PPIP5K2: variants seen among roughly 807,000 people sequenced by gnomAD.
PPIP5K2 encodes diphosphoinositol pentakisphosphate kinase 2.
In PPIP5K2, 105 loss-of-function variants were observed where a neutral mutation model predicts 154.6. The ratio of observed to expected loss-of-function variants is 0.68; its 90% CI spans 0.58 to 0.80. The LOEUF (loss-of-function observed/expected upper bound fraction) is 0.80, where lower values mean the gene tolerates loss of function less well. Among genes scored for constraint, PPIP5K2 ranks in the 30% least tolerant of loss-of-function variants. The probability of loss-of-function intolerance (pLI) is 0.00; values close to 1 mark genes in which losing one functional copy is unlikely to be tolerated. For synonymous variants in PPIP5K2, 480 were observed against 490.3 expected, an observed-to-expected ratio of 0.98 and a Z score of 0.28; for missense variants, 992 against 1,504.6, an observed-to-expected ratio of 0.66 and a Z score of 5.64.
At chr5:103,123,739 A>G (rs541095704) in intron 1 of PPIP5K2, among the ~76,000 whole-genome samples, 1 of 152,206 alleles carries the variant, frequency 6.6e-6, no homozygotes, top group Non-Finnish European at 1.5e-5. Flanking sequence ...TAACCAGTCC[A>G]TTTTGGGACC....
chr5:103,157,136 C>T (rs1795533316), intron 14 of PPIP5K2, among the ~76,000 whole-genome samples: 2 of 152,076 alleles, frequency 1.3e-5, no homozygotes, highest in African/African-American at 4.8e-5. Context: ...GGGTGATTTC[C>T]TCTCACCTTT....
intron 1 of PPIP5K2, among the ~76,000 whole-genome samples, chr5:103,126,264 T>C (rs1789653205): frequency 6.6e-6 from 1 of 152,184 alleles, no homozygotes; most frequent in Non-Finnish European, 1.5e-5. Flanking sequence ...CCTAAGGTCA[T>C]AATCAAATGA....
In PPIP5K2 at chr5:103,190,962, C is replaced by A. The variant is rs1554226743; in HGVS notation, c.3473C>A (p.Pro1158Gln). 1.2e-6 allele frequency: 2 copies of A among 1,605,542 alleles called. No homozygotes were observed. Among genetic ancestry groups the A allele is most frequent in the Non-Finnish European group, 1.7e-6 (2 of 1,176,998 alleles). The change falls in exon 29 of 31, where the codon CCA becomes CAA. Residue 1158 changes from proline to glutamine, a missense_variant. This residue lies in a region of PPIP5K2 where 131 missense variants were observed against 117.8 expected (regional missense o/e 1.11). Coordinates refer to ENST00000358359, the MANE Select transcript of PPIP5K2 (RefSeq NM_001276277.3). ...ASIASPSSDV[P>Q]RKTAEISSTA... ...ATTGCTTCTCCATCATCTGACGTTC[C>A]ACGGAAGACCGCTGAAATTTGTAGG...
At position 103,208,029 on chromosome 5, in the gene PPIP5K2, TTTGTTTTTG is replaced by T. The variant is rs139595058; in HGVS notation, c.*6404_*6412del. 35,162 of 151,340 alleles carry T rather than the reference TTTGTTTTTG, an allele frequency of 0.23. 4,909 individuals carry two copies. The highest frequency in any genetic ancestry group is 0.45 in the East Asian group (2,281 of 5,118). 9.4% of individuals were successfully genotyped at this position (151,340 alleles called of 1,614,324 possible). On this transcript the variant is annotated 3_prime_UTR_variant, in exon 31 of 31. Coordinates refer to ENST00000358359, the MANE Select transcript of PPIP5K2 (RefSeq NM_001276277.3). ...CAATTTCTTTTTTGTTTGTTTTTGT[TTTGTTTTTG>T]TTGTTTTTTAAAATGCAATTTCATA...
At chr5:103,162,350 CTT>C (rs200973581) in intron 17 of PPIP5K2, among the ~76,000 whole-genome samples, 7 of 138,526 alleles carry the variant, frequency 5.1e-5, no homozygotes, top group Admixed American at 1.4e-4. Flanking sequence ...GATGTGTTTT[CTT>C]TTTTTTTTTT....
At chr5:103,164,855 A>G (rs1349166340) in intron 17 of PPIP5K2, among the ~76,000 whole-genome samples, 5 of 152,092 alleles carry the variant, frequency 3.3e-5, no homozygotes, top group Non-Finnish European at 2.9e-5. Flanking sequence ...ATGTGGAACT[A>G]TATTTTTATT....
intron 1 of PPIP5K2, among the ~76,000 whole-genome samples, chr5:103,127,786 C>T (rs1789943923): frequency 6.6e-6 from 1 of 152,104 alleles, no homozygotes; most frequent in Non-Finnish European, 1.5e-5. Context: ...AGAACATTCC[C>T]CTTCCATTAT....
chr5:103,198,082 T>A (rs896732971), intron 30 of PPIP5K2, among the ~76,000 whole-genome samples: 2 of 152,144 alleles, frequency 1.3e-5, no homozygotes, highest in Admixed American at 1.3e-4. Context: ...TTATATTGTA[T>A]TTTCATTATC....
intron 28 of PPIP5K2, 121 bp downstream of exon 28, chr5:103,187,497 G>A (rs907085912): frequency 1.4e-5 from 10 of 737,616 alleles, no homozygotes; most frequent in African/African-American, 5.4e-5. Flanking sequence ...GTCAATTGGC[G>A]TACAATTCCA....
chr5:103,148,873 A>T (rs1215303610), intron 7 of PPIP5K2, among the ~76,000 whole-genome samples: 1 of 151,984 alleles, frequency 6.6e-6, no homozygotes, highest in Admixed American at 6.6e-5. Flanking sequence ...GAGGAGAGCG[A>T]TCACATTGTA....
Position 103,141,538 on chromosome 5 carries a change from G to A in PPIP5K2, c.487+3069G>A, listed in dbSNP as rs146693106. Among the ~76,000 whole-genome samples the A allele has an allele frequency of 3.4e-3, 513 of 152,226 alleles. 5 individuals carry two copies. Among genetic ancestry groups the A allele is most frequent in the African/African-American group, 0.012 (482 of 41,524 alleles). ...CCACATCCTGCTGATTGGTAGAGCC[G>A]AGTGGCCTGTTTTGTCAGGGCACTG... On this transcript the variant is annotated intron_variant, in intron 5 of 30. Transcript: ENST00000358359.
intron 3 of PPIP5K2, among the ~76,000 whole-genome samples, chr5:103,134,044 T>A (rs935865399): frequency 6.6e-6 from 1 of 152,126 alleles, no homozygotes; most frequent in African/African-American, 2.4e-5. Flanking sequence ...TAAGGTTGTG[T>A]GATCTTTTTC....
In PPIP5K2 at chr5:103,173,208, T is replaced by G; in HGVS notation, c.2340T>G (p.Thr780=). 6.2e-7 allele frequency: 1 copy of G among 1,611,436 alleles called. No homozygotes were observed. The highest frequency in any genetic ancestry group is 8.5e-7 in the Non-Finnish European group (1 of 1,178,234). The change falls in exon 20 of 31, where the codon ACT becomes ACG. Residue 780 remains threonine (T), a synonymous_variant. Coordinates refer to ENST00000358359, the MANE Select transcript of PPIP5K2 (RefSeq NM_001276277.3). ...EKLEIAKGYC[T]PLVRKIRSDL... ...TGGAGATTGCCAAAGGCTACTGTAC[T>G]CCTCTGGTTAGAAAAATTCGCTCAG...
chr5:103,136,442 A>AAT (rs2149483695), intron 3 of PPIP5K2, among the ~76,000 whole-genome samples: 1 of 152,330 alleles, frequency 6.6e-6, no homozygotes, highest in South Asian at 2.1e-4. Context: ...GTATGAGGTG[A>AAT]ATCTTACCTT....
chr5:103,158,462 A>G lies in PPIP5K2; in HGVS notation c.1626A>G (p.Ala542=). The part of the protein sequence containing the change: ...CMYPGGQGDY[A]GFPGCGLLRL... ...AGGATTTATTTTCAGGAGATTATGC[A>G]GGATTTCCTGGTTGTGGTTTACTTA... Residue 542 remains alanine, a synonymous_variant, in exon 16 of 31, where the codon GCA becomes GCG. Coordinates refer to ENST00000358359, the MANE Select transcript of PPIP5K2 (RefSeq NM_001276277.3). 6.2e-7 allele frequency: 1 copy of G among 1,604,704 alleles called. No individual in the cohort carries two copies. Among genetic ancestry groups the G allele is most frequent in the Non-Finnish European group, 8.5e-7 (1 of 1,177,772 alleles).
At chr5:103,139,887 G>A (rs2149498204) in intron 5 of PPIP5K2, among the ~76,000 whole-genome samples, 1 of 152,264 alleles carries the variant, frequency 6.6e-6, no homozygotes, top group South Asian at 2.1e-4. Context: ...TTGACAAACT[G>A]AAATATATAT....
At chr5:103,122,643 A>G (rs1238790159) in intron 1 of PPIP5K2, among the ~76,000 whole-genome samples, 4 of 152,144 alleles carry the variant, frequency 2.6e-5, no homozygotes, top group Non-Finnish European at 4.4e-5. Flanking sequence ...ACCATTTATA[A>G]CAGTGTTTCC....
At chr5:103,152,568 G>T in intron 9 of PPIP5K2, 80 bp from the exon 10 acceptor site, 1 of 797,938 alleles carries the variant, frequency 1.3e-6, no homozygotes, top group South Asian at 1.6e-5. Flanking sequence ...TAACTCTTAT[G>T]ATTCTCTCTC....
chr5:103,172,124 TAAAA>T (rs1210403831), intron 19 of PPIP5K2, among the ~76,000 whole-genome samples: 1 of 151,252 alleles, frequency 6.6e-6, no homozygotes, highest in Admixed American at 6.6e-5. Context: ...ATAACAAATT[TAAAA>T]AAAAATTATT....
Sources: allele counts gnomAD v4.1 joint callset (sites outside exome capture counted in the v4.1 genomes callset), GRCh38; gene constraint gnomAD v4.1.1; regional missense constraint gnomAD v4.1.1; transcripts MANE v1.5; gene names NCBI Gene and HGNC (gene_info 2026-07-23, HGNC 2026-07-21).